Variants in ADAM9 observed in about 807,000 individuals in gnomAD.
ADAM9 encodes the protein disintegrin and metalloproteinase domain-containing protein 9.
A neutral mutation model predicts 108.1 loss-of-function variants in ADAM9; 54 were observed. The observed-to-expected ratio is 0.50, with a 90% CI of 0.40 to 0.63. The LOEUF is 0.63. Ranked by LOEUF, ADAM9 falls within the 20% of genes least tolerant of loss-of-function variation. The pLI, the probability that ADAM9 is intolerant of heterozygous loss-of-function variation, is 0.00. For synonymous variants in ADAM9, 316 were observed against 336.0 expected, an observed-to-expected ratio of 0.94 and a Z score of 0.65; for missense variants, 830 against 997.7, an observed-to-expected ratio of 0.83 and a Z score of 2.26.
intron 14 of ADAM9, among the ~76,000 whole-genome samples, chr8:39,061,668 T>C (rs1838303371): frequency 6.6e-6 from 1 of 152,136 alleles, no homozygotes; most frequent in African/African-American, 2.4e-5. Flanking sequence ...TGCTGCCATC[T>C]GATGAGGGTC....
At chr8:39,061,791 A>G (rs1838307459) in intron 14 of ADAM9, among the ~76,000 whole-genome samples, 1 of 152,198 alleles carries the variant, frequency 6.6e-6, no homozygotes. Context: ...GCCATCATGG[A>G]CTAATCACCT....
chr8:39,105,184 A>C lies in ADAM9; in HGVS notation c.*1484A>C, dbSNP rs1291157092. On this transcript the variant is annotated 3_prime_UTR_variant, in exon 22 of 22. Transcript: ENST00000487273. ...AGAACAGATTAGTTTTGAAGAAGGC[A>C]AAAATTTCAGTTTTCTGAAGACAGC... The C allele has an allele frequency of 6.8e-6, 3 of 442,778 alleles. No homozygotes were observed. The highest frequency in any genetic ancestry group is 2.5e-5 in the Admixed American group (1 of 40,014). The allele number at this position is 442,778 out of a possible 1,614,324, so 27.4% of individuals were successfully genotyped here. A position where few individuals can be genotyped will look rare whatever the true frequency, so the allele number is the denominator to read the frequency against.
At chr8:39,086,323 A>G (rs1423585754) in intron 18 of ADAM9, among the ~76,000 whole-genome samples, 1 of 152,050 alleles carries the variant, frequency 6.6e-6, no homozygotes, top group East Asian at 1.9e-4. Context: ...CTGGCTGTTG[A>G]TTTTTAAAAA....
intron 15 of ADAM9, 61 bp downstream of exon 15, chr8:39,071,464 T>TA: frequency 1.2e-4 from 105 of 883,496 alleles, no homozygotes; most frequent in Non-Finnish European, 1.6e-4. Flanking sequence ...ATCTCTAGTA[T>TA]CTTTTTTTTT....
rs13257632 is a variant in ADAM9 at position 39,077,065 on chromosome 8, G to A, written c.1698-163G>A. 0.045 allele frequency among the ~76,000 whole-genome samples: 6,797 copies of A among 152,222 alleles called. 171 individuals are homozygous for A. The highest frequency in any genetic ancestry group is 0.085 in the Middle Eastern group (25 of 294). ...TAACTCTTTTTTCGCCTTTTCTGCC[G>A]TATTTAAAGAGAGCTACTTTGACCT... On this transcript the variant is annotated intron_variant, in intron 15 of 21. Transcript: ENST00000487273.
intron 18 of ADAM9, among the ~76,000 whole-genome samples, chr8:39,088,499 C>T (rs1219478433): frequency 2.0e-5 from 3 of 151,960 alleles, no homozygotes; most frequent in East Asian, 1.9e-4. Context: ...CCTTGTGATC[C>T]GCCTGCCTCG....
chr8:39,045,072 A>ATGTATGTGTG (rs1554578816), intron 12 of ADAM9, among the ~76,000 whole-genome samples: 1 of 34,042 alleles, frequency 2.9e-5, no homozygotes, highest in South Asian at 7.4e-4. Flanking sequence ...ATACATACAT[A>ATGTATGTGTG]TGTGTGTGTG....
intron 1 of ADAM9, among the ~76,000 whole-genome samples, chr8:39,001,998 T>C (rs1209032859): frequency 6.7e-6 from 1 of 149,676 alleles, no homozygotes; most frequent in East Asian, 1.9e-4. Context: ...CGGTATGTAT[T>C]TATCTGGAAT....
chr8:39,019,744 A>T (rs1414666600), intron 7 of ADAM9, among the ~76,000 whole-genome samples: 1 of 152,170 alleles, frequency 6.6e-6, no homozygotes, highest in Non-Finnish European at 1.5e-5. Flanking sequence ...GACAGTTTTG[A>T]GGTTTTTTTT....
At chr8:39,010,263 GTGATTA>G (rs1207034227) in intron 2 of ADAM9, among the ~76,000 whole-genome samples, 2 of 152,172 alleles carry the variant, frequency 1.3e-5, no homozygotes, top group Non-Finnish European at 2.9e-5. Flanking sequence ...ATTACATCAC[GTGATTA>G]TCTAAGAGCA....
At chr8:39,012,629 A>AGTT (rs1456634675) in intron 3 of ADAM9, among the ~76,000 whole-genome samples, 1 of 152,238 alleles carries the variant, frequency 6.6e-6, no homozygotes, top group Non-Finnish European at 1.5e-5. Flanking sequence ...AAAAAGGATG[A>AGTT]GTTCATGTCC....
intron 2 of ADAM9, 86 bp downstream of exon 2, chr8:39,008,069 A>C: frequency 2.1e-6 from 2 of 946,964 alleles, no homozygotes; most frequent in Non-Finnish European, 1.7e-6. Context: ...AGCAGTGATC[A>C]GTTCAGTGAG....
At chr8:39,014,650 G>T (rs574395430) in intron 4 of ADAM9, 10 of 694,994 alleles carry the variant, frequency 1.4e-5, no homozygotes, top group Middle Eastern at 4.6e-4. Context: ...GTCCTTTTTG[G>T]CAGTTAGGTA....
chr8:39,080,026 T>C (rs955047833), intron 16 of ADAM9, among the ~76,000 whole-genome samples: 7 of 152,236 alleles, frequency 4.6e-5, no homozygotes, highest in Non-Finnish European at 1.0e-4. Context: ...CCTATTTCTC[T>C]GATCTTATTG....
chr8:39,059,772 C>T (rs1838238997), intron 14 of ADAM9, among the ~76,000 whole-genome samples: 1 of 152,232 alleles, frequency 6.6e-6, no homozygotes, highest in Non-Finnish European at 1.5e-5. Flanking sequence ...CAGTCATCCA[C>T]TTTTGGTTCT....
chr8:39,066,145 C>T (rs914496878), intron 14 of ADAM9, among the ~76,000 whole-genome samples: 1 of 152,230 alleles, frequency 6.6e-6, no homozygotes, highest in Non-Finnish European at 1.5e-5. Flanking sequence ...TTAATCCAGT[C>T]TATCATTGAT....
intron 16 of ADAM9, among the ~76,000 whole-genome samples, chr8:39,080,528 A>G (rs1053123469): frequency 6.6e-6 from 1 of 152,168 alleles, no homozygotes; most frequent in Admixed American, 6.5e-5. Flanking sequence ...CACGTTCTGT[A>G]CAGCTGTAAC....
chr8:39,025,265 A>G lies in ADAM9; in HGVS notation c.915-538A>G, dbSNP rs923737600. 2.0e-5 allele frequency among the ~76,000 whole-genome samples: 3 copies of G among 151,758 alleles called. 1 individual carries two copies. In the East Asian group the frequency reaches 5.8e-4, roughly 29 times the overall value. On this transcript the variant is annotated intron_variant, in intron 9 of 21. Coordinates refer to ENST00000487273, the MANE Select transcript of ADAM9 (RefSeq NM_003816.3). ...GCCACCATGGCTGGCTAATTTTCGT[A>G]TTTGTTTTTTTAGTAGAGATGGGGT... is the stretch of plus-strand genomic sequence containing the variant.
chr8:39,026,410 C>G (rs902400226), intron 10 of ADAM9, among the ~76,000 whole-genome samples: 2 of 152,204 alleles, frequency 1.3e-5, no homozygotes, highest in African/African-American at 4.8e-5. Flanking sequence ...GAACCATTAA[C>G]TTGTTTTCCT....
Sources: gnomAD v4.1 joint callset for allele counts (sites outside exome capture counted in the v4.1 genomes callset) on GRCh38, gnomAD v4.1.1 for gene constraint, MANE v1.5 for transcripts, NCBI Gene and HGNC (gene_info 2026-07-23, HGNC 2026-07-21) for gene names.